Variants in TFAP2D observed in about 807,000 individuals in gnomAD.
The protein encoded by TFAP2D is transcription factor AP-2 delta, also known as transcription factor AP-2-delta.
In TFAP2D, 9 loss-of-function variants were observed where a neutral mutation model predicts 43.6. The observed-to-expected ratio is 0.21, with a 90% confidence interval of 0.12 to 0.36. TFAP2D has a LOEUF of 0.36. Among genes scored for constraint, TFAP2D ranks in the 10% least tolerant of loss-of-function variants. TFAP2D has a pLI of 1.00. For missense variants in TFAP2D, 513 were observed against 561.4 expected (o/e 0.91, Z 0.87); for synonymous variants, 256 against 224.9 (o/e 1.14, Z -1.24).
intron 7 of TFAP2D, among the ~76,000 whole-genome samples, chr6:50,771,578 C>T (rs1279000643): frequency 2.0e-5 from 3 of 152,162 alleles, no homozygotes; most frequent in Admixed American, 2.0e-4. Flanking sequence ...GATGTTTCCA[C>T]ACATAGAATC....
At chr6:50,748,323 A>C (rs1339461220) in intron 6 of TFAP2D, among the ~76,000 whole-genome samples, 1 of 152,014 alleles carries the variant, frequency 6.6e-6, no homozygotes, top group Non-Finnish European at 1.5e-5. Flanking sequence ...AATATTAAGT[A>C]GCCTATATGG....
At chr6:50,742,587 TA>T (rs1769062820) in intron 5 of TFAP2D, among the ~76,000 whole-genome samples, 1 of 140,296 alleles carries the variant, frequency 7.1e-6, no homozygotes. Context: ...GATAGATAGA[TA>T]GATAGATAGA....
intron 5 of TFAP2D, among the ~76,000 whole-genome samples, chr6:50,731,386 A>G (rs1264605179): frequency 2.0e-5 from 3 of 151,968 alleles, no homozygotes; most frequent in Non-Finnish European, 4.4e-5. Flanking sequence ...ACAGATTTAG[A>G]GTCAAAGAGA....
At chr6:50,735,388 C>T (rs1768948257) in intron 5 of TFAP2D, among the ~76,000 whole-genome samples, 1 of 152,084 alleles carries the variant, frequency 6.6e-6, no homozygotes, top group Admixed American at 6.6e-5. Context: ...GCCTGTTTTT[C>T]ACGTTAGATT....
At chr6:50,740,261 C>T (rs1216683455) in intron 5 of TFAP2D, among the ~76,000 whole-genome samples, 2 of 151,970 alleles carry the variant, frequency 1.3e-5, no homozygotes, top group African/African-American at 4.8e-5. Context: ...CTAAGTTAAA[C>T]TCAATTGTTT....
At chr6:50,768,994 C>A (rs1053423597) in intron 7 of TFAP2D, among the ~76,000 whole-genome samples, 2 of 148,446 alleles carry the variant, frequency 1.3e-5, no homozygotes, top group Non-Finnish European at 3.0e-5. Flanking sequence ...TGGGTTCAAG[C>A]GGTTCTCCTG....
chr6:50,723,149 C>G (rs1208802402), intron 3 of TFAP2D, among the ~76,000 whole-genome samples: 3 of 152,216 alleles, frequency 2.0e-5, no homozygotes, highest in African/African-American at 7.2e-5. Flanking sequence ...GCATTTACGC[C>G]GCGGTACAAA....
At chr6:50,721,036 C>T (rs976171359) in intron 3 of TFAP2D, among the ~76,000 whole-genome samples, 1 of 152,162 alleles carries the variant, frequency 6.6e-6, no homozygotes, top group African/African-American at 2.4e-5. Context: ...TTAAGGGACA[C>T]CCTCTCACCC....
At chr6:50,720,521 ACACACACACACACACACAT>A (rs1768703107) in intron 3 of TFAP2D, among the ~76,000 whole-genome samples, 2 of 151,500 alleles carry the variant, frequency 1.3e-5, no homozygotes, top group Non-Finnish European at 2.9e-5. Flanking sequence ...ACACACACAC[ACACACACACACACACACAT>A]ATACGTGGTA....
At chr6:50,721,204 G>A (rs1213366347) in intron 3 of TFAP2D, among the ~76,000 whole-genome samples, 1 of 152,138 alleles carries the variant, frequency 6.6e-6, no homozygotes, top group Non-Finnish European at 1.5e-5. Flanking sequence ...CGTCGAATCT[G>A]CTACTTGAAA....
intron 7 of TFAP2D, among the ~76,000 whole-genome samples, chr6:50,757,339 T>A (rs888602121): frequency 5.0e-5 from 7 of 139,680 alleles, no homozygotes; most frequent in African/African-American, 1.8e-4. Flanking sequence ...TATATATCTA[T>A]ATAGAGAATA....
Position 50,714,038 on chromosome 6 carries a change from C to G in TFAP2D, c.-18C>G. The G allele has an allele frequency of 6.2e-7, 1 of 1,610,826 alleles. No individual in the cohort carries two copies. Among genetic ancestry groups the G allele is most frequent in the Non-Finnish European group, 8.5e-7 (1 of 1,179,366 alleles). On this transcript the variant is annotated 5_prime_UTR_variant, in exon 1 of 8. Transcript: ENST00000008391. ...TTGGAGGGGGAAATTGCATCGTAAG[C>G]TTTCGGAGAAACCCAACATGTCAAC... is the stretch of plus-strand genomic sequence containing the variant.
At chr6:50,759,766 T>C (rs1317195238) in intron 7 of TFAP2D, among the ~76,000 whole-genome samples, 11 of 152,068 alleles carry the variant, frequency 7.2e-5, no homozygotes. Flanking sequence ...ATTTTTATTT[T>C]AGCCTGCTTT....
intron 5 of TFAP2D, among the ~76,000 whole-genome samples, chr6:50,733,652 T>C (rs1368044793): frequency 6.6e-6 from 1 of 152,134 alleles, no homozygotes; most frequent in African/African-American, 2.4e-5. Flanking sequence ...CTCCTCCATA[T>C]TTTACTTCAG....
rs74791745 is a variant in TFAP2D, at chr6:50,755,877, T to C, written c.1139+4553T>C. On this transcript the variant is annotated intron_variant, in intron 7 of 7. Coordinates refer to ENST00000008391, the MANE Select transcript of TFAP2D (RefSeq NM_172238.4). ...TGTGTTAGCATACAGCATGTCTTTT[T>C]TATTTTTATTTTATTTTATTTTTTG... is the stretch of plus-strand genomic sequence containing the variant. 6.3e-3 allele frequency among the ~76,000 whole-genome samples: 955 copies of C among 152,124 alleles called. 9 individuals are homozygous for C. Among genetic ancestry groups the C allele is most frequent in the African/African-American group, 0.022 (898 of 41,536 alleles).
chr6:50,719,500 A>T (rs976798966), intron 3 of TFAP2D, among the ~76,000 whole-genome samples: 1 of 122,562 alleles, frequency 8.2e-6, no homozygotes, highest in African/African-American at 2.8e-5. Context: ...AAAGAAAGAA[A>T]GAAGTTTCTC....
chr6:50,735,325 T>C (rs975126688), intron 5 of TFAP2D, among the ~76,000 whole-genome samples: 6 of 152,268 alleles, frequency 3.9e-5, no homozygotes, highest in African/African-American at 1.4e-4. Flanking sequence ...GAGTTACTTC[T>C]GAATTTAACT....
chr6:50,765,786 T>G (rs1216593905), intron 7 of TFAP2D, among the ~76,000 whole-genome samples: 1 of 152,178 alleles, frequency 6.6e-6, no homozygotes, highest in Non-Finnish European at 1.5e-5. Flanking sequence ...AATGTATGGT[T>G]TGCTAATATT....
At chr6:50,744,552 G>A (rs182828514) in intron 5 of TFAP2D, among the ~76,000 whole-genome samples, 84 of 152,232 alleles carry the variant, frequency 5.5e-4, no homozygotes, top group Admixed American at 9.2e-4. Context: ...GAAGCCATTC[G>A]TACCCCATTT....
Sources: allele counts gnomAD v4.1 joint callset (sites outside exome capture counted in the v4.1 genomes callset), GRCh38; gene constraint gnomAD v4.1.1; transcripts MANE v1.5; gene names NCBI Gene and HGNC (gene_info 2026-07-23, HGNC 2026-07-21).